Variants in MAPK10 observed in about 807,000 individuals in gnomAD.
MAPK10 encodes mitogen-activated protein kinase 10.
A neutral mutation model predicts 59.3 loss-of-function variants in MAPK10; 25 were observed. The observed-to-expected ratio is 0.42, with a 90% CI of 0.31 to 0.59. The LOEUF (loss-of-function observed/expected upper bound fraction) is 0.59. Among genes scored for constraint, MAPK10 ranks in the 20% least tolerant of loss-of-function variants. The pLI is 0.15. For missense variants in MAPK10, 351 were observed against 568.9 expected, an observed-to-expected ratio of 0.62 and a Z score of 3.90; for synonymous variants, 190 against 200.5, an observed-to-expected ratio of 0.95 and a Z score of 0.44.
intron 3 of MAPK10, among the ~76,000 whole-genome samples, chr4:86,177,191 A>C (rs2075881183): frequency 6.6e-6 from 1 of 152,090 alleles, no homozygotes; most frequent in Admixed American, 6.6e-5. Flanking sequence ...TGATCCCCTT[A>C]AGCCATATGT....
intron 1 of MAPK10, among the ~76,000 whole-genome samples, chr4:86,591,601 T>C (rs1763053295): frequency 6.6e-6 from 1 of 152,164 alleles, no homozygotes; most frequent in Admixed American, 6.5e-5. Context: ...ATTGAACTCC[T>C]GGACTCAAGT....
intron 1 of MAPK10, among the ~76,000 whole-genome samples, chr4:86,369,116 GTCTGGAAATTCAACTTCCCACTC>G (rs1464909596): frequency 6.6e-6 from 1 of 152,086 alleles, no homozygotes; most frequent in Non-Finnish European, 1.5e-5. Context: ...TTTGAGTTTG[GTCTGGAAATTCAACTTCCCACTC>G]TGCGGCAATT....
At chr4:86,162,733 A>G (rs1028811904) in intron 3 of MAPK10, among the ~76,000 whole-genome samples, 6 of 152,074 alleles carry the variant, frequency 3.9e-5, no homozygotes, top group Non-Finnish European at 5.9e-5. Context: ...GCTACCATGT[A>G]TACAGCAACT....
chr4:86,465,696 C>T (rs919681503), intron 1 of MAPK10, among the ~76,000 whole-genome samples: 1 of 152,186 alleles, frequency 6.6e-6, no homozygotes, highest in Non-Finnish European at 1.5e-5. Context: ...AGGACCAAAT[C>T]AACAGCCAAT....
chr4:86,521,746 C>G (rs1207766840), intron 1 of MAPK10, among the ~76,000 whole-genome samples: 1 of 152,204 alleles, frequency 6.6e-6, no homozygotes, highest in African/African-American at 2.4e-5. Flanking sequence ...GCACACAGGG[C>G]TCTCAGGCTT....
At chr4:86,565,495 A>T (rs907444903) in intron 1 of MAPK10, among the ~76,000 whole-genome samples, 41 of 152,240 alleles carry the variant, frequency 2.7e-4, no homozygotes, top group Non-Finnish European at 1.5e-5. Flanking sequence ...TAATTGATCC[A>T]ACAAAAGGAC....
chr4:86,098,743 A>T, intron 8 of MAPK10, 148 bp from the exon 9 acceptor site: 1 of 660,204 alleles, frequency 1.5e-6, no homozygotes. Flanking sequence ...ATGTGAATTC[A>T]AACCAGCGCT....
intron 1 of MAPK10, among the ~76,000 whole-genome samples, chr4:86,527,312 C>CAAA (rs57390422): frequency 4.3e-4 from 7 of 16,180 alleles, no homozygotes; most frequent in African/African-American, 6.8e-4. Flanking sequence ...ACACTGTTGC[C>CAAA]AAAAAAAAAA....
chr4:86,166,576 G>A (rs1188905667), intron 3 of MAPK10, among the ~76,000 whole-genome samples: 1 of 152,072 alleles, frequency 6.6e-6, no homozygotes, highest in Admixed American at 6.5e-5. Context: ...CCATTTGAAA[G>A]CACTATGATA....
intron 9 of MAPK10, among the ~76,000 whole-genome samples, chr4:86,070,292 T>C (rs1017346385): frequency 6.6e-6 from 1 of 152,170 alleles, no homozygotes; most frequent in Non-Finnish European, 1.5e-5. Flanking sequence ...TAGATGTTCA[T>C]AGAATACAAA....
intron 3 of MAPK10, among the ~76,000 whole-genome samples, chr4:86,175,029 T>G (rs1432467334): frequency 6.6e-6 from 1 of 152,154 alleles, no homozygotes; most frequent in Non-Finnish European, 1.5e-5. Context: ...CATTCACAAT[T>G]TGTCTGCAAT....
chr4:86,199,860 A>T (rs1272903836), intron 2 of MAPK10, among the ~76,000 whole-genome samples: 1 of 152,084 alleles, frequency 6.6e-6, no homozygotes, highest in Non-Finnish European at 1.5e-5. Context: ...CCAAACACTC[A>T]TAATAGCCAC....
At chr4:86,456,204 T>A (rs1007705623), upstream of MAPK10, among the ~76,000 whole-genome samples, 1 of 151,918 alleles carries the variant, frequency 6.6e-6, no homozygotes, top group Admixed American at 6.6e-5. Flanking sequence ...CATAAAAATG[T>A]CTGAAAAAGC....
chr4:86,556,546 G>A (rs1760283817), intron 1 of MAPK10, among the ~76,000 whole-genome samples: 1 of 152,056 alleles, frequency 6.6e-6, no homozygotes, highest in African/African-American at 2.4e-5. Context: ...AGAGGAACCT[G>A]CAAACTAATT....
At chr4:86,044,057 C>T (rs917765301) in intron 11 of MAPK10, among the ~76,000 whole-genome samples, 9 of 152,068 alleles carry the variant, frequency 5.9e-5, no homozygotes, top group African/African-American at 1.9e-4. Context: ...AACAAAGCAA[C>T]AGAGAACAGC....
At chr4:86,084,343 T>C (rs1267343137) in intron 9 of MAPK10, among the ~76,000 whole-genome samples, 2 of 152,344 alleles carry the variant, frequency 1.3e-5, no homozygotes, top group Non-Finnish European at 2.9e-5. Context: ...GATATGATGT[T>C]ATGCTTGCAA....
intron 6 of MAPK10, 159 bp from the exon 7 acceptor site, chr4:86,102,191 T>C: frequency 1.6e-6 from 1 of 625,544 alleles, no homozygotes; most frequent in Non-Finnish European, 2.8e-6. Flanking sequence ...GCATGTGTGT[T>C]AGCTATACGA....
At chr4:86,030,191 C>G (rs1347698149) in intron 12 of MAPK10, among the ~76,000 whole-genome samples, 2 of 152,114 alleles carry the variant, frequency 1.3e-5, no homozygotes, top group Non-Finnish European at 2.9e-5. Flanking sequence ...TCTTTTTCAT[C>G]TATATCAAGC....
rs576136878 is a variant in MAPK10 at position 86,022,278 on chromosome 4, C to T, written c.1253-4908G>A. On this transcript the variant is annotated intron_variant, in intron 13 of 13. Transcript: ENST00000641462. ...CAACACTTATTATCTGTCTTTTTAT[C>T]TAGCCATCCTAGTGTGCATGAAATG... Among the ~76,000 whole-genome samples the T allele has an allele frequency of 3.9e-5, 6 of 152,202 alleles. No homozygotes were observed. The South Asian group carries it at 1.2e-3, about 31-fold the overall frequency.
Sources: gnomAD v4.1 joint callset for allele counts (sites outside exome capture counted in the v4.1 genomes callset) on GRCh38, gnomAD v4.1.1 for gene constraint, MANE v1.5 for transcripts, NCBI Gene and HGNC (gene_info 2026-07-23, HGNC 2026-07-21) for gene names.